The following ARID2 variants were observed in gnomAD, a reference collection of about 807,000 sequenced individuals.
ARID2 encodes AT-rich interactive domain-containing protein 2.
In ARID2, 32 loss-of-function variants were observed where a neutral mutation model predicts 184.6. That is an observed-to-expected ratio of 0.17 (90% CI 0.13 to 0.23). ARID2 has a LOEUF of 0.23. Ranked by LOEUF, ARID2 falls within the 10% of genes least tolerant of loss-of-function variation. The pLI, the probability that ARID2 is intolerant of heterozygous loss-of-function variation, is 1.00. For synonymous variants in ARID2, 836 were observed against 772.6 expected (o/e 1.08, Z -1.36); for missense variants, 1,696 against 2,197.6 (o/e 0.77, Z 4.56).
chr12:45,745,873 C>T (rs545947367), intron 3 of ARID2, among the ~76,000 whole-genome samples: 1 of 152,204 alleles, frequency 6.6e-6, no homozygotes, highest in African/African-American at 2.4e-5. Context: ...GATGATTCTG[C>T]TGACTTATAC....
chr12:45,851,807 A>C lies in ARID2; in HGVS notation c.3684A>C (p.Ser1228=), dbSNP rs755267508. The part of the protein sequence containing the change: ...PATQASPAGQ[S]SCTTATPPFK... ...CTCAAGCATCTCCTGCTGGACAATC[A>C]TCATGTACTACTGCTACTCCCCCAT... Residue 1228 remains serine (S), a synonymous_variant, in exon 15 of 21, where the codon TCA becomes TCC. Coordinates refer to ENST00000334344, the MANE Select transcript of ARID2 (RefSeq NM_152641.4). 3.7e-6 allele frequency: 6 copies of C among 1,614,048 alleles called. No homozygotes were observed. In the African/African-American group the frequency reaches 8.0e-5, roughly 22 times the overall value.
At position 45,850,983 on chromosome 12, in the gene ARID2, C is replaced by G. The variant is rs2138166752; in HGVS notation, c.2860C>G (p.Leu954Val). ...HQIVLANPAA[L>V]PAGQTVQLTG... is the part of the protein sequence containing the mutation. ...AATTGTTCTTGCTAATCCAGCAGCT[C>G]TTCCAGCTGGTCAGACAGTTCAGCT... is the stretch of plus-strand genomic sequence containing the variant. Residue 954 changes from leucine (L) to valine (V), a missense_variant, in exon 15 of 21, where the codon CTT (leucine) becomes GTT (valine). By Grantham distance (32) the Leu-to-Val change is conservative. Transcript: ENST00000334344. The G allele has an allele frequency of 6.2e-7, 1 of 1,614,190 alleles. No homozygotes were observed. Among genetic ancestry groups the G allele is most frequent in the Non-Finnish European group, 8.5e-7 (1 of 1,180,032 alleles).
chr12:45,863,777 G>A (rs1489660923), intron 16 of ARID2, among the ~76,000 whole-genome samples: 5 of 151,304 alleles, frequency 3.3e-5, no homozygotes, highest in Non-Finnish European at 7.4e-5. Flanking sequence ...GTTCTGTATT[G>A]GCACCACACT....
intron 3 of ARID2, among the ~76,000 whole-genome samples, chr12:45,733,378 A>C (rs1941039000): frequency 6.6e-6 from 1 of 152,232 alleles, no homozygotes; most frequent in Non-Finnish European, 1.5e-5. Context: ...GCCAAGTAAC[A>C]GCAATTCTAT....
chr12:45,888,610 A>G (rs367800698), intron 16 of ARID2, among the ~76,000 whole-genome samples: 4 of 152,216 alleles, frequency 2.6e-5, no homozygotes, highest in Non-Finnish European at 4.4e-5. Flanking sequence ...TACTGCTACT[A>G]TTACTGATCA....
intron 3 of ARID2, among the ~76,000 whole-genome samples, chr12:45,802,211 C>T (rs558486316): frequency 2.0e-4 from 30 of 152,042 alleles, no homozygotes; most frequent in African/African-American, 5.3e-4. Flanking sequence ...GGACTACAGG[C>T]GTGCACCACC....
At chr12:45,894,221 G>C (rs994157224) in intron 20 of ARID2, among the ~76,000 whole-genome samples, 1 of 152,124 alleles carries the variant, frequency 6.6e-6, no homozygotes. Context: ...GAAACTAGGA[G>C]GGATAACTCA....
chr12:45,811,661 C>A, intron 4 of ARID2, 110 bp downstream of exon 4: 1 of 1,127,004 alleles, frequency 8.9e-7, no homozygotes, highest in Non-Finnish European at 1.2e-6. Context: ...CACTTAAGGC[C>A]TTAAGGTAAT....
rs371091017 is a variant in ARID2 at position 45,852,035 on chromosome 12, A to C, written c.3912A>C (p.Leu1304=). The C allele has an allele frequency of 3.1e-6, 5 of 1,614,060 alleles. No homozygotes were observed. The highest frequency in any genetic ancestry group is 4.2e-6 in the Non-Finnish European group (5 of 1,179,994). Residue 1304 remains leucine (L), a synonymous_variant, in exon 15 of 21, where the codon CTA becomes CTC. Coordinates refer to ENST00000334344, the MANE Select transcript of ARID2 (RefSeq NM_152641.4). Reference sequence around the variant, plus strand: ...GGAGAAAGTACAGTGACTCAAGTCTACCTCCTTCAAACTCAGGGAAAATTC... The same window carrying C: ...GGAGAAAGTACAGTGACTCAAGTCTCCCTCCTTCAAACTCAGGGAAAATTC... The part of the protein sequence containing the change: ...LNGRKYSDSS[L]PPSNSGKIQS...
intron 12 of ARID2, among the ~76,000 whole-genome samples, chr12:45,847,936 A>G (rs1405536553): frequency 1.3e-5 from 2 of 152,022 alleles, no homozygotes; most frequent in Non-Finnish European, 2.9e-5. Context: ...TGAAGTTTTT[A>G]TATCTAGTCT....
intron 12 of ARID2, among the ~76,000 whole-genome samples, chr12:45,848,585 C>G (rs987449813): frequency 1.3e-5 from 2 of 152,078 alleles, no homozygotes; most frequent in Non-Finnish European, 2.9e-5. Flanking sequence ...CAACCCTGCT[C>G]TCATTGGGAT....
chr12:45,873,223 T>C (rs1023833488), intron 16 of ARID2, among the ~76,000 whole-genome samples: 17 of 152,262 alleles, frequency 1.1e-4, no homozygotes, highest in African/African-American at 4.1e-4. Flanking sequence ...AGTGTTAATA[T>C]AGTTTATCTT....
intron 3 of ARID2, among the ~76,000 whole-genome samples, chr12:45,750,510 C>A (rs1402053671): frequency 2.6e-5 from 4 of 152,076 alleles, no homozygotes. Flanking sequence ...CTTGTTAAAC[C>A]TTCAATTGGT....
At chr12:45,750,464 T>TG (rs1941441834) in intron 3 of ARID2, among the ~76,000 whole-genome samples, 2 of 152,220 alleles carry the variant, frequency 1.3e-5, no homozygotes, top group African/African-American at 4.8e-5. Flanking sequence ...AGTGAGCACA[T>TG]GGTTTTAAAA....
At chr12:45,880,076 T>A in intron 16 of ARID2, among the ~76,000 whole-genome samples, 1 of 152,180 alleles carries the variant, frequency 6.6e-6, no homozygotes, top group East Asian at 1.9e-4. Flanking sequence ...GTTTTATATA[T>A]AGGGGTTTTA....
chr12:45,880,549 C>T (rs1944082952), intron 16 of ARID2, among the ~76,000 whole-genome samples: 1 of 152,036 alleles, frequency 6.6e-6, no homozygotes, highest in African/African-American at 2.4e-5. Flanking sequence ...GTTGGGTGAC[C>T]CAGGCAATTT....
chr12:45,866,155 CTA>C (rs933955400), intron 16 of ARID2, among the ~76,000 whole-genome samples: 3 of 151,600 alleles, frequency 2.0e-5, no homozygotes, highest in East Asian at 1.9e-4. Context: ...ATTAATATGA[CTA>C]TATATATATA....
At chr12:45,758,464 T>C (rs1592058453) in intron 3 of ARID2, among the ~76,000 whole-genome samples, 1 of 152,110 alleles carries the variant, frequency 6.6e-6, no homozygotes, top group East Asian at 1.9e-4. Flanking sequence ...CTTCTTCCAG[T>C]GTGACCTAGG....
chr12:45,897,677 CATAAG>C (rs932757462), intron 20 of ARID2, among the ~76,000 whole-genome samples: 3 of 151,954 alleles, frequency 2.0e-5, no homozygotes, highest in East Asian at 1.9e-4. Context: ...GGCTATTACT[CATAAG>C]AGACAAAAAT....
Sources: allele counts gnomAD v4.1 joint callset (sites outside exome capture counted in the v4.1 genomes callset), GRCh38; gene constraint gnomAD v4.1.1; transcripts MANE v1.5; gene names NCBI Gene and HGNC (gene_info 2026-07-23, HGNC 2026-07-21).